Variants in ZNF521 observed in about 807,000 individuals in gnomAD.
ZNF521 encodes the protein zinc finger protein 521.
ZNF521 carries 14 observed loss-of-function variants against 105.5 expected under a neutral mutation model. The observed-to-expected ratio is 0.13, with a 90% CI of 0.09 to 0.21. ZNF521 has a LOEUF of 0.21. Ranked by LOEUF, ZNF521 falls within the 10% of genes least tolerant of loss-of-function variation. ZNF521 has a pLI of 1.00. For synonymous variants in ZNF521, 635 were observed against 606.0 expected, an observed-to-expected ratio of 1.05 and a Z score of -0.70; for missense variants, 1,233 against 1,629.7, an observed-to-expected ratio of 0.76 and a Z score of 4.19.
chr18:25,168,385 T>C (rs2144549553), intron 5 of ZNF521, among the ~76,000 whole-genome samples: 1 of 152,224 alleles, frequency 6.6e-6, no homozygotes. Context: ...AACCCTTTTC[T>C]CCCGGTTCTG....
chr18:25,151,969 G>A (rs2035055367), intron 5 of ZNF521, among the ~76,000 whole-genome samples: 1 of 152,072 alleles, frequency 6.6e-6, no homozygotes, highest in Non-Finnish European at 1.5e-5. Flanking sequence ...GGCTTGAAAT[G>A]GTTATTTTTT....
intron 4 of ZNF521, among the ~76,000 whole-genome samples, chr18:25,209,775 T>A (rs554700110): frequency 6.6e-6 from 1 of 152,366 alleles, no homozygotes; most frequent in East Asian, 1.9e-4. Flanking sequence ...ATTTGTCACC[T>A]ATATGCTCAT....
At chr18:25,233,769 T>G (rs1906694016) in intron 3 of ZNF521, among the ~76,000 whole-genome samples, 1 of 150,498 alleles carries the variant, frequency 6.6e-6, no homozygotes, top group Admixed American at 6.7e-5. Flanking sequence ...AGATAAGGAG[T>G]TGTTATCACA....
At chr18:25,241,847 C>T (rs1907357775) in intron 3 of ZNF521, among the ~76,000 whole-genome samples, 1 of 152,092 alleles carries the variant, frequency 6.6e-6, no homozygotes, top group East Asian at 1.9e-4. Flanking sequence ...TCTGTTTTTC[C>T]TTCTCACTTT....
chr18:25,256,836 G>A (rs892102686), intron 3 of ZNF521, among the ~76,000 whole-genome samples: 3 of 152,076 alleles, frequency 2.0e-5, no homozygotes, highest in Non-Finnish European at 2.9e-5. Context: ...AGTTCACTAT[G>A]GCAGAACAAG....
intron 2 of ZNF521, among the ~76,000 whole-genome samples, chr18:25,328,774 G>T (rs879505216): frequency 1.3e-5 from 2 of 151,910 alleles, no homozygotes; most frequent in African/African-American, 4.8e-5. Flanking sequence ...GGATGGTCTC[G>T]ATCTTCTGAC....
At chr18:25,085,172 C>A (rs924496852) in intron 7 of ZNF521, among the ~76,000 whole-genome samples, 2 of 151,640 alleles carry the variant, frequency 1.3e-5, no homozygotes, top group Non-Finnish European at 2.9e-5. Flanking sequence ...TGGAGGGAAA[C>A]TCTGCCAAAA....
chr18:25,097,555 T>C (rs1180725771), intron 5 of ZNF521, among the ~76,000 whole-genome samples: 1 of 152,118 alleles, frequency 6.6e-6, no homozygotes, highest in Non-Finnish European at 1.5e-5. Context: ...TGGGAGTGTC[T>C]GGCACTGTCA....
At chr18:25,331,902 TTTTTTTA>T (rs1913592706) in intron 2 of ZNF521, among the ~76,000 whole-genome samples, 2 of 150,432 alleles carry the variant, frequency 1.3e-5, no homozygotes, top group African/African-American at 2.4e-5. Flanking sequence ...TCTTTTTTTT[TTTTTTTA>T]AATTTAGGAA....
chr18:25,076,821 C>G (rs776671536), intron 7 of ZNF521, among the ~76,000 whole-genome samples: 28 of 152,142 alleles, frequency 1.8e-4, no homozygotes, highest in Non-Finnish European at 3.4e-4. Context: ...TAATTAAACC[C>G]AGTGTTCCAA....
At chr18:25,288,023 A>G (rs1449888127) in intron 3 of ZNF521, among the ~76,000 whole-genome samples, 3 of 152,186 alleles carry the variant, frequency 2.0e-5, no homozygotes, top group African/African-American at 4.8e-5. Flanking sequence ...CAGAAAAGAT[A>G]TAATACTGAA....
At chr18:25,122,341 G>A (rs1413908463) in intron 5 of ZNF521, among the ~76,000 whole-genome samples, 1 of 152,158 alleles carries the variant, frequency 6.6e-6, no homozygotes, top group Non-Finnish European at 1.5e-5. Flanking sequence ...ATCCCTGAAG[G>A]AGATGTACAG....
chr18:25,154,286 A>C (rs1448388501), intron 5 of ZNF521, among the ~76,000 whole-genome samples: 1 of 152,168 alleles, frequency 6.6e-6, no homozygotes, highest in Non-Finnish European at 1.5e-5. Flanking sequence ...TAATCTCTAC[A>C]CCAGTTCTAA....
chr18:25,125,777 T>C (rs372591905), intron 5 of ZNF521, among the ~76,000 whole-genome samples: 13 of 151,962 alleles, frequency 8.6e-5, no homozygotes, highest in African/African-American at 3.1e-4. Context: ...GTTGTGGTTT[T>C]GCTATTATTT....
chr18:25,251,364 G>A lies in ZNF521; in HGVS notation c.221-23667C>T, dbSNP rs532464731. 6.6e-5 allele frequency among the ~76,000 whole-genome samples: 10 copies of A among 152,208 alleles called. No homozygotes were observed. In the East Asian group the frequency reaches 9.6e-4, roughly 15 times the overall value. On this transcript the variant is annotated intron_variant, in intron 3 of 7. Coordinates refer to ENST00000361524, the MANE Select transcript of ZNF521 (RefSeq NM_015461.3). ...ATAAACAACTTCGGTACTACAGCACGTACCATTCTCCTTAAACCCAGGATT... is the reference window on the plus strand; with the variant it reads ...ATAAACAACTTCGGTACTACAGCACATACCATTCTCCTTAAACCCAGGATT...
At chr18:25,253,823 T>C (rs1193084315) in intron 3 of ZNF521, among the ~76,000 whole-genome samples, 1 of 152,114 alleles carries the variant, frequency 6.6e-6, no homozygotes, top group Non-Finnish European at 1.5e-5. Context: ...CAACACAGTA[T>C]TGGTTTGAAC....
At chr18:25,160,335 C>T (rs2035227878) in intron 5 of ZNF521, among the ~76,000 whole-genome samples, 1 of 152,226 alleles carries the variant, frequency 6.6e-6, no homozygotes, top group Non-Finnish European at 1.5e-5. Flanking sequence ...TGAACTGATG[C>T]TTCTCTGTCC....
chr18:25,124,287 C>T (rs1487032243), intron 5 of ZNF521, among the ~76,000 whole-genome samples: 2 of 152,094 alleles, frequency 1.3e-5, no homozygotes, highest in South Asian at 4.2e-4. Context: ...TGGGGAAGAA[C>T]TAAAGTAACT....
At chr18:25,174,025 T>C (rs2035493512) in intron 5 of ZNF521, among the ~76,000 whole-genome samples, 1 of 152,188 alleles carries the variant, frequency 6.6e-6, no homozygotes, top group South Asian at 2.1e-4. Context: ...GTTAACATAT[T>C]TTTTAAAAAA....
Sources: gnomAD v4.1 joint callset for allele counts (sites outside exome capture counted in the v4.1 genomes callset) on GRCh38, gnomAD v4.1.1 for gene constraint, MANE v1.5 for transcripts, NCBI Gene and HGNC (gene_info 2026-07-23, HGNC 2026-07-21) for gene names.